RAD21: variants seen among roughly 807,000 people sequenced by gnomAD.
RAD21 encodes RAD21 cohesin complex component.
A neutral mutation model predicts 71.5 loss-of-function variants in RAD21; 18 were observed. The observed-to-expected ratio is 0.25, with a 90% CI of 0.17 to 0.37. The LOEUF (loss-of-function observed/expected upper bound fraction) is 0.37, where lower values mean the gene tolerates loss of function less well. Ranked by LOEUF, RAD21 falls within the 10% of genes least tolerant of loss-of-function variation. The probability of loss-of-function intolerance (pLI) is 1.00; values close to 1 mark genes in which losing one functional copy is unlikely to be tolerated. For synonymous variants in RAD21, 248 were observed against 254.0 expected (o/e 0.98, Z 0.22); for missense variants, 493 against 769.1 (o/e 0.64, Z 4.25).
Position 116,848,862 on chromosome 8 carries a change from C to T in RAD21, c.1704+84G>A, listed in dbSNP as rs183172380. The T allele has an allele frequency of 7.2e-4, 773 of 1,073,370 alleles. 9 individuals carry two copies. In the East Asian group the frequency reaches 0.014, roughly 20 times the overall value. The allele number at this position is 1,073,370 out of a possible 1,614,324, so 66.5% of individuals were successfully genotyped here. On this transcript the variant is annotated intron_variant, in intron 13 of 13. Transcript: ENST00000297338. ...TTTGACAAAGGTATGCTTTCTGTTT[C>T]CAGCATCTAACTTTTTTTTTTTCAG... is the stretch of plus-strand genomic sequence containing the variant.
At chr8:116,853,070 A>G (rs1812388357) in intron 9 of RAD21, among the ~76,000 whole-genome samples, 2 of 152,104 alleles carry the variant, frequency 1.3e-5, no homozygotes, top group Admixed American at 1.3e-4. Flanking sequence ...TAACCTTATT[A>G]GCTATCATTT....
At chr8:116,858,521 TTC>T in intron 4 of RAD21, 63 bp from the exon 5 acceptor site, 1 of 1,323,682 alleles carries the variant, frequency 7.6e-7, no homozygotes, top group Admixed American at 2.0e-5. Context: ...CAAATCCCAA[TTC>T]TCTCTATAAG....
In RAD21 at chr8:116,847,383, C is replaced by A; in HGVS notation, c.*117G>T. ...GGAAAAAAATGAAGAAGGAAAAAGG[C>A]AAAGACTTTGTACAGACAAAAATCT... is the stretch of plus-strand genomic sequence containing the variant. On this transcript the variant is annotated 3_prime_UTR_variant, in exon 14 of 14. Transcript: ENST00000297338. 3.4e-6 allele frequency: 3 copies of A among 872,320 alleles called. No homozygotes were observed. The highest frequency in any genetic ancestry group is 2.8e-5 in the East Asian group (1 of 36,142). 54.0% of individuals were successfully genotyped at this position (872,320 alleles called of 1,614,324 possible). A position where few individuals can be genotyped will look rare whatever the true frequency, so the allele number is the denominator to read the frequency against.
rs776823334 is a variant in RAD21 at position 116,849,048 on chromosome 8, CA to C, written c.1621-20del. 3 of 1,540,718 alleles carry C rather than the reference CA, an allele frequency of 1.9e-6. No individual in the cohort carries two copies. The South Asian group carries it at 3.8e-5, about 20-fold the overall frequency. ...CTTCATCCTGAATAAAAATGACCCCCAAAAAGCTGACAAAACAAGTCCAATG... is the reference window on the plus strand; with the variant it reads ...CTTCATCCTGAATAAAAATGACCCCCAAAAGCTGACAAAACAAGTCCAATG... On this transcript the variant is annotated intron_variant, in intron 12 of 13. Transcript: ENST00000297338.
Position 116,854,448 on chromosome 8 carries a change from T to G in RAD21, c.958A>C (p.Arg320=), listed in dbSNP as rs1812421041. ...CTGTCAACAATTAGCTTCCTCTTCC[T>G]CTTGGCTTTTGTTTCTTTAACTGGA... ...DITVKETKAK[R]KRKLIVDSVK... Residue 320 remains arginine, a synonymous_variant, in exon 9 of 14, where the codon AGG becomes CGG. Transcript: ENST00000297338. The G allele has an allele frequency of 6.2e-7, 1 of 1,613,424 alleles. No homozygotes were observed. The highest frequency in any genetic ancestry group is 1.7e-5 in the Admixed American group (1 of 59,880).
chr8:116,851,950 G>A lies in RAD21; in HGVS notation c.1468C>T (p.Pro490Ser). The change falls in exon 11 of 14, where the codon CCT (proline) becomes TCT (serine). Residue 490 changes from proline (P) to serine (S), a missense_variant and splice_region_variant. Physicochemically the swap from Pro to Ser is moderately conservative, Grantham distance 74. Coordinates refer to ENST00000297338, the MANE Select transcript of RAD21 (RefSeq NM_006265.3). ...AATGGATAGATTTGCTTACTTACAG[G>A]CATCACAGGCTCTGGGTCAATTTGT... Reference protein sequence around the residue: ...AGQIDPEPVMPPQQVEQMEIP... With the variant: ...AGQIDPEPVMSPQQVEQMEIP... 3 of 1,604,998 alleles carry A rather than the reference G, an allele frequency of 1.9e-6. No individual in the cohort carries two copies. Among genetic ancestry groups the A allele is most frequent in the Non-Finnish European group, 2.6e-6 (3 of 1,173,468 alleles).
rs886179478 is a variant in RAD21, at chr8:116,874,774, G to T, written c.-196C>A. On this transcript the variant is annotated 5_prime_UTR_variant, in exon 1 of 14. Transcript: ENST00000297338. ...CTTTCCGATTCACTCAAACAAACAA[G>T]ATGGCTGCCGTTACGCCGCGGCTCT... is the stretch of plus-strand genomic sequence containing the variant. The T allele has an allele frequency of 4.4e-6, 2 of 456,324 alleles. No homozygotes were observed. The highest frequency in any genetic ancestry group is 4.0e-5 in the African/African-American group (2 of 50,056). 28.3% of individuals were successfully genotyped at this position (456,324 alleles called of 1,614,324 possible).
In RAD21 at chr8:116,852,395, C is replaced by T. The variant is rs150839876; in HGVS notation, c.1321+154G>A. ...CTCTGGAAAGACAGGAGGCTTCATA[C>T]TTAAATAAGGCAATCAGATCCAATG... On this transcript the variant is annotated intron_variant, in intron 10 of 13. Coordinates refer to ENST00000297338, the MANE Select transcript of RAD21 (RefSeq NM_006265.3). 13 of 860,334 alleles carry T rather than the reference C, an allele frequency of 1.5e-5. No homozygotes were observed. The East Asian group carries it at 3.3e-4, about 22-fold the overall frequency. The allele number at this position is 860,334 out of a possible 1,614,324, so 53.3% of individuals were successfully genotyped here.
At chr8:116,849,141 A>G in intron 12 of RAD21, 112 bp from the exon 13 acceptor site, 1 of 674,428 alleles carries the variant, frequency 1.5e-6, no homozygotes, top group Non-Finnish European at 2.3e-6. Flanking sequence ...ATTTTGAACT[A>G]ATAGAAAACT....
rs1419526108 is a variant in RAD21 at position 116,852,713 on chromosome 8, T to C, written c.1162-5A>G. On this transcript the variant is annotated splice_region_variant and splice_polypyrimidine_tract_variant and intron_variant, in intron 9 of 13. Transcript: ENST00000297338. ...TGTAAGACAGCGTGTAAAGAGCTATTAAAAAAAAAAAAAAGAAAAATTTCA... is the reference window on the plus strand; with the variant it reads ...TGTAAGACAGCGTGTAAAGAGCTATCAAAAAAAAAAAAAAGAAAAATTTCA... 16 of 1,178,884 alleles carry C rather than the reference T, an allele frequency of 1.4e-5. No homozygotes were observed. Among genetic ancestry groups the C allele is most frequent in the East Asian group, 3.1e-5 (1 of 32,194 alleles). 73.0% of individuals were successfully genotyped at this position (1,178,884 alleles called of 1,614,324 possible). A position where few individuals can be genotyped will look rare whatever the true frequency, so the allele number is the denominator to read the frequency against.
rs16889020 is a variant in RAD21 at position 116,865,347 on chromosome 8, C to T, written c.144+1239G>A. ...TTTTAAGCCACTCAATATTTGCTTA[C>T]GGATGTTAAAGATTAGCCACACATA... On this transcript the variant is annotated intron_variant, in intron 2 of 13. Transcript: ENST00000297338. Among the ~76,000 whole-genome samples, 10 of 152,206 alleles carry T rather than the reference C, an allele frequency of 6.6e-5. No individual in the cohort carries two copies. In the East Asian group the frequency reaches 1.5e-3, roughly 23 times the overall value.
intron 1 of RAD21, among the ~76,000 whole-genome samples, chr8:116,869,989 T>C (rs1487661589): frequency 6.6e-6 from 1 of 152,180 alleles, no homozygotes; most frequent in African/African-American, 2.4e-5. Flanking sequence ...GCAACAGATT[T>C]CTTACATGTC....
rs147825744 is a variant in RAD21, at chr8:116,858,715, T to A, written c.375-257A>T. Reference sequence around the variant, plus strand: ...AATATGCAGAAGTCACTAAATCAAGTACAGAGGAAAAAATTAGAAATCATG... The same window carrying A: ...AATATGCAGAAGTCACTAAATCAAGAACAGAGGAAAAAATTAGAAATCATG... On this transcript the variant is annotated intron_variant, in intron 4 of 13. Coordinates refer to ENST00000297338, the MANE Select transcript of RAD21 (RefSeq NM_006265.3). Among the ~76,000 whole-genome samples the A allele has an allele frequency of 5.6e-3, 855 of 152,104 alleles. 8 individuals are homozygous for A. Among genetic ancestry groups the A allele is most frequent in the African/African-American group, 0.019 (779 of 41,494 alleles).
chr8:116,866,667 G>C lies in RAD21; in HGVS notation c.63C>G (p.Ala21=), dbSNP rs1028917018. 6.2e-7 allele frequency: 1 copy of C among 1,613,100 alleles called. No individual in the cohort carries two copies. The highest frequency in any genetic ancestry group is 8.5e-7 in the Non-Finnish European group (1 of 1,179,652). The change falls in exon 2 of 14, where the codon GCC becomes GCG. Residue 21 remains alanine (A), a synonymous_variant. Transcript: ENST00000297338. The part of the protein sequence containing the change: ...RGPLAKIWLA[A]HWDKKLTKAH... ...CTTTGGTTAGCTTCTTATCCCAATGGGCCGCTAGCCAAATTTTGGCCAGAG... is the reference window on the plus strand; with the variant it reads ...CTTTGGTTAGCTTCTTATCCCAATGCGCCGCTAGCCAAATTTTGGCCAGAG...
chr8:116,858,943 ATACCT>A (rs1163536182), intron 4 of RAD21, among the ~76,000 whole-genome samples: 1,815 of 152,210 alleles, frequency 0.012, 45 homozygotes, highest in African/African-American at 0.041. Context: ...CAGAACATTA[ATACCT>A]CAAAACAACT....
At chr8:116,847,768 AAT>A in intron 13 of RAD21, 77 bp from the exon 14 acceptor site, 4 of 1,303,144 alleles carry the variant, frequency 3.1e-6, no homozygotes, top group Non-Finnish European at 4.2e-6. Context: ...ATACAGTTTG[AAT>A]ATTTGTCCCC....
At chr8:116,864,836 T>C (rs1812659954) in intron 2 of RAD21, among the ~76,000 whole-genome samples, 1 of 152,140 alleles carries the variant, frequency 6.6e-6, no homozygotes, top group Admixed American at 6.5e-5. Flanking sequence ...AGCTAGTGTG[T>C]GTTAAAGTGT....
rs760029451 is a variant in RAD21, at chr8:116,849,044, C to A, written c.1621-15G>T. 20 of 1,550,578 alleles carry A rather than the reference C, an allele frequency of 1.3e-5. No individual in the cohort carries two copies. The highest frequency in any genetic ancestry group is 1.1e-4 in the South Asian group (9 of 79,624). ...GCATCTTCATCCTGAATAAAAATGA[C>A]CCCCAAAAAGCTGACAAAACAAGTC... is the stretch of plus-strand genomic sequence containing the variant. On this transcript the variant is annotated splice_polypyrimidine_tract_variant and intron_variant, in intron 12 of 13. Coordinates refer to ENST00000297338, the MANE Select transcript of RAD21 (RefSeq NM_006265.3).
intron 10 of RAD21, 50 bp from the exon 11 acceptor site, chr8:116,852,146 G>A (rs778729972): frequency 4.1e-6 from 6 of 1,478,612 alleles, no homozygotes; most frequent in Middle Eastern, 1.8e-4. Context: ...GTTTTGAACA[G>A]TATTATAGAA....
Sources: allele counts gnomAD v4.1 joint callset (sites outside exome capture counted in the v4.1 genomes callset), GRCh38; gene constraint gnomAD v4.1.1; transcripts MANE v1.5; gene names NCBI Gene and HGNC (gene_info 2026-07-23, HGNC 2026-07-21).